IRAG1: variants seen among roughly 807,000 people sequenced by gnomAD.
The protein encoded by IRAG1 is IP3R-associated cGMP kinase substrate.
A neutral mutation model predicts 106.2 loss-of-function variants in IRAG1; 62 were observed. The ratio of observed to expected loss-of-function variants is 0.58; its 90% CI spans 0.48 to 0.72. IRAG1 has a LOEUF of 0.72. IRAG1 is among the 30% of genes least tolerant of loss of function. IRAG1 has a pLI of 0.00. For missense variants in IRAG1, 1,064 were observed against 1,140.7 expected, an observed-to-expected ratio of 0.93 and a Z score of 0.97; for synonymous variants, 462 against 443.9, an observed-to-expected ratio of 1.04 and a Z score of -0.51.
intron 1 of IRAG1, among the ~76,000 whole-genome samples, chr11:10,677,123 C>T (rs1026150468): frequency 1.3e-5 from 2 of 152,212 alleles, no homozygotes; most frequent in South Asian, 2.1e-4. Flanking sequence ...CCCTCTGGGT[C>T]CATGCATACT....
chr11:10,612,775 A>G (rs1855076943), intron 10 of IRAG1, among the ~76,000 whole-genome samples: 1 of 152,216 alleles, frequency 6.6e-6, no homozygotes, highest in East Asian at 1.9e-4. Flanking sequence ...AATATATACC[A>G]TAAATACTTT....
At position 10,573,196 on chromosome 11, in the gene IRAG1, A is replaced by G. The variant is rs1404886978; in HGVS notation, c.*3136T>C. 6.6e-6 allele frequency: 1 copy of G among 152,270 alleles called. No individual in the cohort carries two copies. Among genetic ancestry groups the G allele is most frequent in the Non-Finnish European group, 1.5e-5 (1 of 68,052 alleles). 9.4% of individuals were successfully genotyped at this position (152,270 alleles called of 1,614,324 possible). A position where few individuals can be genotyped will look rare whatever the true frequency, so the allele number is the denominator to read the frequency against. On this transcript the variant is annotated 3_prime_UTR_variant, in exon 21 of 21. Transcript: ENST00000423302. ...TTAACAACATGAGGAACTGATAGCC[A>G]GTGATACACAAATCCAGCACTTCCT...
intron 15 of IRAG1, among the ~76,000 whole-genome samples, chr11:10,596,843 C>A (rs1369888222): frequency 6.6e-6 from 1 of 152,170 alleles, no homozygotes; most frequent in East Asian, 1.9e-4. Context: ...TAATAATAAG[C>A]AACTCCAAAG....
At chr11:10,672,868 A>C (rs1410200029) in intron 1 of IRAG1, among the ~76,000 whole-genome samples, 1 of 152,242 alleles carries the variant, frequency 6.6e-6, no homozygotes, top group African/African-American at 2.4e-5. Context: ...ACATGTACAC[A>C]ATGTTCATAG....
In IRAG1 at chr11:10,688,487, C is replaced by T. The variant is rs189288106; in HGVS notation, c.67+5049G>A. ...AACACCCTCTTGATTTGCTTATCAG[C>T]CACAGAACTCTCTGTGGCCTCTCTG... On this transcript the variant is annotated intron_variant, in intron 1 of 20. Coordinates refer to ENST00000423302, the MANE Select transcript of IRAG1 (RefSeq NM_130385.4). Among the ~76,000 whole-genome samples, 8 of 152,288 alleles carry T rather than the reference C, an allele frequency of 5.3e-5. No individual in the cohort carries two copies. In the East Asian group the frequency reaches 1.5e-3, roughly 29 times the overall value.
chr11:10,594,240 G>C (rs1306565088), intron 15 of IRAG1, 45 bp from the exon 16 acceptor site: 1 of 1,568,768 alleles, frequency 6.4e-7, no homozygotes, highest in Non-Finnish European at 8.7e-7. Context: ...TAAGTTTCAG[G>C]CTAGGCACCA....
chr11:10,688,820 CATTT>C (rs773643080), intron 1 of IRAG1, among the ~76,000 whole-genome samples: 2 of 152,170 alleles, frequency 1.3e-5, no homozygotes, highest in Non-Finnish European at 2.9e-5. Flanking sequence ...AATATTCTTT[CATTT>C]GAGTAGCAAT....
intron 1 of IRAG1, among the ~76,000 whole-genome samples, chr11:10,678,970 A>G (rs1466322160): frequency 1.3e-5 from 2 of 152,166 alleles, no homozygotes; most frequent in African/African-American, 4.8e-5. Flanking sequence ...GTTCAACCCA[A>G]GGTCAACCCA....
At chr11:10,594,971 C>T (rs142037387) in intron 15 of IRAG1, among the ~76,000 whole-genome samples, 1,538 of 152,240 alleles carry the variant, frequency 0.01, 33 homozygotes, top group African/African-American at 0.035. Context: ...GTCACGTAGG[C>T]TGGAGTGCAG....
chr11:10,673,009 G>A (rs1427439164), intron 1 of IRAG1, among the ~76,000 whole-genome samples: 2 of 152,144 alleles, frequency 1.3e-5, no homozygotes, highest in Non-Finnish European at 2.9e-5. Context: ...AGAGCCAGGC[G>A]CGGTGGCTCA....
At chr11:10,652,594 T>A (rs1858610588) in intron 1 of IRAG1, among the ~76,000 whole-genome samples, 1 of 152,200 alleles carries the variant, frequency 6.6e-6, no homozygotes. Flanking sequence ...AGATGACCTC[T>A]GATGTAGGCA....
At chr11:10,587,377 T>C (rs529533500) in intron 18 of IRAG1, among the ~76,000 whole-genome samples, 63 of 152,252 alleles carry the variant, frequency 4.1e-4, no homozygotes, top group Non-Finnish European at 3.5e-4. Context: ...CATGGTTCCC[T>C]CTGACAAGCC....
intron 1 of IRAG1, among the ~76,000 whole-genome samples, chr11:10,680,372 G>GAAAGAAAGAAAGAAAGAAAGGAA (rs1564942533): frequency 4.9e-5 from 2 of 41,236 alleles, no homozygotes; most frequent in African/African-American, 2.6e-4. Context: ...AAAGAAAGAA[G>GAAAGAAAGAAAGAAAGAAAGGAA]GAAGGAAGGA....
chr11:10,593,551 C>T lies in IRAG1; in HGVS notation c.2116G>A (p.Ala706Thr). ...VSVAVVPKFNALNLPGQTPSS... is the reference protein window; with the variant it reads ...VSVAVVPKFNTLNLPGQTPSS... ...GGAGTTTGGCCAGGCAGATTCAGGG[C>T]ATTAAACTTAGGAACCACAGCAACG... The change falls in exon 17 of 21, where the codon GCC becomes ACC. Residue 706 changes from alanine (A) to threonine (T), a missense_variant. Ala to Thr is a moderately conservative substitution (Grantham distance 58, BLOSUM62 0). Coordinates refer to ENST00000423302, the MANE Select transcript of IRAG1 (RefSeq NM_130385.4). 1 of 1,613,762 alleles carries T rather than the reference C, an allele frequency of 6.2e-7. No individual in the cohort carries two copies. The highest frequency in any genetic ancestry group is 8.5e-7 in the Non-Finnish European group (1 of 1,179,780).
rs757923843 is a variant in IRAG1 at position 10,601,050 on chromosome 11, T to A, written c.1885A>T (p.Met629Leu). The change falls in exon 15 of 21, where the codon ATG becomes TTG. Residue 629 changes from methionine (M) to leucine (L), a missense_variant. Transcript: ENST00000423302. ...ATCATCACTTCCGTTGCTTTCGACA[T>A]GCGCTTTTCCTGCGGGGAAGGAGCG... ...VVGAVRQEKR[M>L]SKATEVMMQY... 1 of 1,614,016 alleles carries A rather than the reference T, an allele frequency of 6.2e-7. No individual in the cohort carries two copies. Among genetic ancestry groups the A allele is most frequent in the Non-Finnish European group, 8.5e-7 (1 of 1,179,896 alleles).
At chr11:10,672,822 T>C (rs2135121969) in intron 1 of IRAG1, among the ~76,000 whole-genome samples, 1 of 152,296 alleles carries the variant, frequency 6.6e-6, no homozygotes, top group East Asian at 1.9e-4. Context: ...TCTAGATATG[T>C]ACCCAAGAGA....
At chr11:10,590,301 C>A (rs1205629358) in intron 18 of IRAG1, among the ~76,000 whole-genome samples, 5 of 152,120 alleles carry the variant, frequency 3.3e-5, no homozygotes, top group African/African-American at 1.2e-4. Context: ...CCCCAAGAGA[C>A]CCTCTATAAC....
chr11:10,587,983 C>A (rs952605622), intron 18 of IRAG1, among the ~76,000 whole-genome samples: 40 of 152,220 alleles, frequency 2.6e-4, no homozygotes, highest in African/African-American at 8.7e-4. Flanking sequence ...ACACCTACCT[C>A]ATGGAATTAC....
At chr11:10,594,039 A>C in intron 16 of IRAG1, 107 bp downstream of exon 16, 1 of 1,070,484 alleles carries the variant, frequency 9.3e-7, no homozygotes, top group Admixed American at 2.3e-5. Flanking sequence ...CTCTGTTCAG[A>C]GATTCTCTGG....
Sources: allele counts gnomAD v4.1 joint callset (sites outside exome capture counted in the v4.1 genomes callset), GRCh38; gene constraint gnomAD v4.1.1; transcripts MANE v1.5; gene names NCBI Gene and HGNC (gene_info 2026-07-23, HGNC 2026-07-21).